KIAA1549L: variants seen among roughly 807,000 people sequenced by gnomAD.
The protein encoded by KIAA1549L is UPF0606 protein KIAA1549L.
Under a neutral mutation model 160.7 loss-of-function variants are expected in KIAA1549L, and 88 were observed. The observed-to-expected ratio is 0.55, with a 90% CI of 0.46 to 0.65. The LOEUF (loss-of-function observed/expected upper bound fraction) is 0.65, where lower values mean the gene tolerates loss of function less well. Ranked by LOEUF, KIAA1549L falls within the 30% of genes least tolerant of loss-of-function variation. KIAA1549L has a pLI of 0.00. For synonymous variants in KIAA1549L, 950 were observed against 976.7 expected (o/e 0.97, Z 0.51); for missense variants, 2,258 against 2,437.5 (o/e 0.93, Z 1.55).
chr11:33,471,036 G>A (rs1009571588), intron 1 of KIAA1549L, among the ~76,000 whole-genome samples: 18 of 151,986 alleles, frequency 1.2e-4, no homozygotes, highest in African/African-American at 4.4e-4. Context: ...GCCCAGGCTG[G>A]TTTCAAACTC....
At chr11:33,632,807 G>A (rs1197663574) in intron 16 of KIAA1549L, among the ~76,000 whole-genome samples, 2 of 151,796 alleles carry the variant, frequency 1.3e-5, no homozygotes. Context: ...GCCCATAGAG[G>A]CTGGCCTAGA....
intron 18 of KIAA1549L, among the ~76,000 whole-genome samples, chr11:33,656,822 G>A (rs1209831001): frequency 6.6e-6 from 1 of 152,090 alleles, no homozygotes; most frequent in Non-Finnish European, 1.5e-5. Flanking sequence ...GGAATAGGAG[G>A]GACCCCGCTC....
intron 1 of KIAA1549L, among the ~76,000 whole-genome samples, chr11:33,399,108 A>G (rs1323045413): frequency 1.3e-5 from 2 of 151,914 alleles, no homozygotes; most frequent in African/African-American, 2.4e-5. Flanking sequence ...ATGCACCACC[A>G]CGCCTGGCTA....
chr11:33,516,160 T>A (rs1853340743), intron 1 of KIAA1549L, among the ~76,000 whole-genome samples: 1 of 45,312 alleles, frequency 2.2e-5, no homozygotes, highest in Non-Finnish European at 3.9e-5. Context: ...TTTTTTTTTT[T>A]TTTTTTTTTG....
rs1250648359 is a variant in KIAA1549L, at chr11:33,542,647, G to A, written c.1084G>A (p.Gly362Arg). 6.2e-7 allele frequency: 1 copy of A among 1,613,662 alleles called. No homozygotes were observed. Among genetic ancestry groups the A allele is most frequent in the African/African-American group, 1.3e-5 (1 of 74,894 alleles). Reference sequence around the variant, plus strand: ...TCCGTCTCCCCCTCCCCCAGCACTTGGAAGTCTTCTTCAGCTTCCAGATGG... The same window carrying A: ...TCCGTCTCCCCCTCCCCCAGCACTTAGAAGTCTTCTTCAGCTTCCAGATGG... ...SHPSPPPPALGSLLQLPDGSP... is the reference protein window; with the variant it reads ...SHPSPPPPALRSLLQLPDGSP... Residue 362 changes from glycine (G) to arginine (R), a missense_variant, in exon 2 of 21, where the codon GGA becomes AGA. Transcript: ENST00000658780.
intron 14 of KIAA1549L, among the ~76,000 whole-genome samples, chr11:33,607,423 T>TTAGA (rs751870114): frequency 6.6e-6 from 1 of 151,934 alleles, no homozygotes. Context: ...TCAAAGAAAA[T>TTAGA]TAGATAGATA....
intron 16 of KIAA1549L, among the ~76,000 whole-genome samples, chr11:33,619,895 C>T: frequency 6.6e-6 from 1 of 152,192 alleles, no homozygotes; most frequent in East Asian, 1.9e-4. Flanking sequence ...GCATTGGAAG[C>T]TTCCAGTTAA....
In KIAA1549L at chr11:33,583,399, C is replaced by A; in HGVS notation, c.4464C>A (p.Ala1488=). ...WIIAAVLAPI[A]VVTVIIIIIT... is the part of the protein sequence containing the mutation. Reference sequence around the variant, plus strand: ...TCGCTGCAGTGCTGGCGCCCATTGCCGTGGTCACGGTCATCATCATCATCA... The same window carrying A: ...TCGCTGCAGTGCTGGCGCCCATTGCAGTGGTCACGGTCATCATCATCATCA... The change falls in exon 11 of 21, where the codon GCC becomes GCA. Residue 1488 remains alanine (A), a synonymous_variant. Coordinates refer to ENST00000658780, the MANE Select transcript of KIAA1549L (RefSeq NM_012194.3). 1 of 1,604,370 alleles carries A rather than the reference C, an allele frequency of 6.2e-7. No homozygotes were observed.
At chr11:33,578,368 C>T (rs1023808221) in intron 10 of KIAA1549L, among the ~76,000 whole-genome samples, 2 of 152,168 alleles carry the variant, frequency 1.3e-5, no homozygotes, top group African/African-American at 4.8e-5. Flanking sequence ...AGCCTCACTC[C>T]TTTGTCTCCT....
At chr11:33,646,850 T>C (rs1047266483) in intron 17 of KIAA1549L, among the ~76,000 whole-genome samples, 5 of 152,072 alleles carry the variant, frequency 3.3e-5, no homozygotes, top group African/African-American at 1.2e-4. Context: ...CAGTTTACTA[T>C]GGCATGGGTA....
chr11:33,582,388 T>G (rs1855673155), intron 10 of KIAA1549L, among the ~76,000 whole-genome samples: 1 of 152,150 alleles, frequency 6.6e-6, no homozygotes, highest in African/African-American at 2.4e-5. Flanking sequence ...TATTCTAGGG[T>G]CTGGGCCTCA....
intron 1 of KIAA1549L, among the ~76,000 whole-genome samples, chr11:33,448,027 G>A (rs893682693): frequency 6.6e-5 from 10 of 152,108 alleles, no homozygotes; most frequent in Non-Finnish European, 1.3e-4. Flanking sequence ...CAAGACAAAA[G>A]CATCTTCTAG....
rs747255810 is a variant in KIAA1549L at position 33,583,517 on chromosome 11, G to T, written c.4566+16G>T. On this transcript the variant is annotated intron_variant, in intron 11 of 20. Transcript: ENST00000658780. The stretch of plus-strand genomic sequence containing the variant: ...GAGAGCAAAGGTATATGGAAGTGGT[G>T]GGGAGAGGGGCAGGAGGACAGGCCT... 1.9e-6 allele frequency: 3 copies of T among 1,561,722 alleles called. No homozygotes were observed. The highest frequency in any genetic ancestry group is 3.8e-5 in the Admixed American group (2 of 52,276).
intron 10 of KIAA1549L, among the ~76,000 whole-genome samples, chr11:33,581,229 C>T (rs1855632311): frequency 6.6e-6 from 1 of 152,218 alleles, no homozygotes; most frequent in African/African-American, 2.4e-5. Context: ...CCCCTGCATC[C>T]AGTCACCCCA....
chr11:33,434,081 G>A (rs1851307321), intron 1 of KIAA1549L, among the ~76,000 whole-genome samples: 2 of 144,782 alleles, frequency 1.4e-5, no homozygotes, highest in Admixed American at 1.4e-4. Flanking sequence ...AGCCCCCCCC[G>A]CCACCAAAAA....
chr11:33,602,528 C>G (rs533903120), intron 13 of KIAA1549L, among the ~76,000 whole-genome samples: 3 of 152,204 alleles, frequency 2.0e-5, no homozygotes. Context: ...CTCCCCATGC[C>G]AGTTCAGACA....
Position 33,542,834 on chromosome 11 carries a change from C to G in KIAA1549L, c.1271C>G (p.Ala424Gly). ...GCTGAGCCTCCACTTTTCCAGACTG[C>G]AGAATCAGGGGCCATAGAAATGACC... ...HEAEPPLFQT[A>G]ESGAIEMTSR... Residue 424 changes from alanine to glycine, a missense_variant, in exon 2 of 21, where the codon GCA (alanine) becomes GGA (glycine). By Grantham distance (60) the Ala-to-Gly change is moderately conservative (BLOSUM62 0). Transcript: ENST00000658780. 1 of 1,613,794 alleles carries G rather than the reference C, an allele frequency of 6.2e-7. No homozygotes were observed. Among genetic ancestry groups the G allele is most frequent in the Non-Finnish European group, 8.5e-7 (1 of 1,179,862 alleles).
intron 1 of KIAA1549L, among the ~76,000 whole-genome samples, chr11:33,407,017 C>T (rs1850671113): frequency 6.6e-6 from 1 of 150,626 alleles, no homozygotes; most frequent in Non-Finnish European, 1.5e-5. Context: ...GGTAGGGACT[C>T]TTTGTTCCTG....
intron 1 of KIAA1549L, among the ~76,000 whole-genome samples, chr11:33,502,184 A>G (rs966090757): frequency 3.9e-5 from 6 of 152,298 alleles, no homozygotes; most frequent in East Asian, 1.9e-4. Flanking sequence ...TCTGTTGCAG[A>G]GGCCTGATTC....
Sources: gnomAD v4.1 joint callset for allele counts (sites outside exome capture counted in the v4.1 genomes callset) on GRCh38, gnomAD v4.1.1 for gene constraint, MANE v1.5 for transcripts, NCBI Gene and HGNC (gene_info 2026-07-23, HGNC 2026-07-21) for gene names.